The following C12orf75 variants were observed in gnomAD, a reference collection of about 807,000 sequenced individuals.
C12orf75 encodes the protein chromosome 12 open reading frame 75, also known as overexpressed in colon carcinoma 1 protein.
A neutral mutation model predicts 11.4 loss-of-function variants in C12orf75; 4 were observed. That is an observed-to-expected ratio of 0.35 (90% CI 0.17 to 0.80). The LOEUF is 0.80. Among genes scored for constraint, C12orf75 ranks in the 30% least tolerant of loss-of-function variants. C12orf75 has a pLI of 0.52. For synonymous variants in C12orf75, 30 were observed against 30.0 expected, an observed-to-expected ratio of 1.00 and a Z score of 0.00; for missense variants, 89 against 80.4, an observed-to-expected ratio of 1.11 and a Z score of -0.41.
intron 1 of C12orf75, among the ~76,000 whole-genome samples, chr12:105,346,556 T>G (rs1247608273): frequency 2.6e-5 from 4 of 152,218 alleles, no homozygotes; most frequent in Admixed American, 1.3e-4. Flanking sequence ...GGTTTAATAA[T>G]CTCTGATTCT....
chr12:105,330,993 G>A, intron 1 of C12orf75, 56 bp downstream of exon 1: 3 of 1,090,470 alleles, frequency 2.8e-6, no homozygotes, highest in Non-Finnish European at 3.5e-6. Context: ...GCGGCGGGAA[G>A]GAAGGGTGCA....
intron 2 of C12orf75, among the ~76,000 whole-genome samples, chr12:105,350,144 C>G (rs941566229): frequency 6.6e-6 from 1 of 152,154 alleles, no homozygotes; most frequent in Non-Finnish European, 1.5e-5. Context: ...CTCCTTCAGT[C>G]TCTCCCTTCA....
chr12:105,357,796 G>C (rs1293487684), intron 2 of C12orf75, among the ~76,000 whole-genome samples: 1 of 146,216 alleles, frequency 6.8e-6, no homozygotes, highest in Non-Finnish European at 1.5e-5. Context: ...GTGTGTGTGT[G>C]TGTGTGTGTG....
chr12:105,343,227 G>GT (rs1592878083), intron 1 of C12orf75, among the ~76,000 whole-genome samples: 1 of 151,584 alleles, frequency 6.6e-6, no homozygotes, highest in African/African-American at 2.4e-5. Flanking sequence ...TTTTTGGTGT[G>GT]TTTTTTTTCC....
intron 2 of C12orf75, among the ~76,000 whole-genome samples, chr12:105,353,844 A>C (rs757132871): frequency 6.6e-6 from 1 of 152,242 alleles, no homozygotes; most frequent in Non-Finnish European, 1.5e-5. Context: ...TGTAAAGTGA[A>C]TCTTACTGAG....
In C12orf75 at chr12:105,345,623, C is replaced by T. The variant is rs979634009; in HGVS notation, c.47-2979C>T. Reference sequence around the variant, plus strand: ...TCTGTAGATAAATTCTCTTCCTTTTCCAGGTCTTTTTCCTGATCTTGAATT... The same window carrying T: ...TCTGTAGATAAATTCTCTTCCTTTTTCAGGTCTTTTTCCTGATCTTGAATT... On this transcript the variant is annotated intron_variant, in intron 1 of 5. Coordinates refer to ENST00000443585, the MANE Select transcript of C12orf75 (RefSeq NM_001145199.2). 3.4e-5 allele frequency among the ~76,000 whole-genome samples: 5 copies of T among 145,836 alleles called. No homozygotes were observed. In the Admixed American group the frequency reaches 3.5e-4, roughly 10 times the overall value.
chr12:105,367,010 G>GA (rs964982297), intron 4 of C12orf75, among the ~76,000 whole-genome samples: 2 of 152,198 alleles, frequency 1.3e-5, no homozygotes, highest in African/African-American at 2.4e-5. Context: ...TCATAGAACA[G>GA]AAAGGTAAAT....
chr12:105,360,393 G>A (rs929753248), intron 2 of C12orf75, among the ~76,000 whole-genome samples: 4 of 152,228 alleles, frequency 2.6e-5, no homozygotes, highest in South Asian at 2.1e-4. Flanking sequence ...GGCTGTGGAT[G>A]TTCTGGCCTG....
intron 1 of C12orf75, among the ~76,000 whole-genome samples, chr12:105,342,363 C>T (rs767229558): frequency 4.6e-5 from 7 of 152,152 alleles, no homozygotes; most frequent in South Asian, 2.1e-4. Flanking sequence ...CCCCTTCTTG[C>T]GCTCTTGCTG....
intron 2 of C12orf75, among the ~76,000 whole-genome samples, chr12:105,351,489 G>A (rs1287540151): frequency 6.6e-6 from 1 of 152,156 alleles, no homozygotes; most frequent in Non-Finnish European, 1.5e-5. Context: ...TAGGTGAGAA[G>A]TCAGTATATA....
rs570927886 is a variant in C12orf75 at position 105,347,759 on chromosome 12, C to T, written c.47-843C>T. 5.3e-5 allele frequency among the ~76,000 whole-genome samples: 8 copies of T among 152,284 alleles called. No homozygotes were observed. The East Asian group carries it at 1.3e-3, about 26-fold the overall frequency. On this transcript the variant is annotated intron_variant, in intron 1 of 5. Transcript: ENST00000443585. ...ATTCTTCAGTTCAATCAAGTAGACG[C>T]TCAGTATTAACCATCACAGATGGGA...
At chr12:105,349,524 T>C (rs1212684783) in intron 2 of C12orf75, among the ~76,000 whole-genome samples, 1 of 152,186 alleles carries the variant, frequency 6.6e-6, no homozygotes, top group African/African-American at 2.4e-5. Context: ...TCTTATTGGC[T>C]TACACAGATG....
intron 1 of C12orf75, among the ~76,000 whole-genome samples, chr12:105,332,746 AAAAAG>A (rs1235845103): frequency 3.4e-5 from 5 of 145,676 alleles, no homozygotes; most frequent in South Asian, 4.3e-4. Context: ...AAAAAAAAAA[AAAAAG>A]AAAAGAAAAG....
intron 2 of C12orf75, among the ~76,000 whole-genome samples, chr12:105,357,811 A>T (rs200767902): frequency 0.34 from 39,390 of 117,284 alleles, 5,394 homozygotes; most frequent in Non-Finnish European, 0.38. Flanking sequence ...TGTGTGTGAG[A>T]GAGAGAGAGA....
intron 5 of C12orf75, among the ~76,000 whole-genome samples, chr12:105,369,236 T>A (rs998965224): frequency 5.9e-5 from 9 of 151,552 alleles, no homozygotes; most frequent in Non-Finnish European, 1.3e-4. Flanking sequence ...CTCACCCTTG[T>A]GGGTGGATCT....
intron 2 of C12orf75, among the ~76,000 whole-genome samples, chr12:105,355,363 T>C (rs1363517907): frequency 2.0e-5 from 3 of 151,922 alleles, no homozygotes; most frequent in African/African-American, 7.3e-5. Flanking sequence ...AGAGTTGGGA[T>C]TTTGCCATAT....
chr12:105,347,177 G>A (rs1389515402), intron 1 of C12orf75, among the ~76,000 whole-genome samples: 1 of 152,250 alleles, frequency 6.6e-6, no homozygotes. Context: ...GAGAATCTGC[G>A]AGAAGTAATG....
Position 105,330,786 on chromosome 12 carries a change from G to A in C12orf75, c.-106G>A. On this transcript the variant is annotated 5_prime_UTR_variant, in exon 1 of 6. Coordinates refer to ENST00000443585, the MANE Select transcript of C12orf75 (RefSeq NM_001145199.2). ...CCCACTCGGTTCCTGGCCCCTCGCG[G>A]CCCCGTCAGCCTCCCGCTCGGGGTG... is the stretch of plus-strand genomic sequence containing the variant. 8.8e-7 allele frequency: 1 copy of A among 1,138,714 alleles called. No individual in the cohort carries two copies. The highest frequency in any genetic ancestry group is 1.1e-6 in the Non-Finnish European group (1 of 912,320). 70.5% of individuals were successfully genotyped at this position (1,138,714 alleles called of 1,614,324 possible).
intron 2 of C12orf75, among the ~76,000 whole-genome samples, chr12:105,364,324 T>G (rs1259782901): frequency 2.0e-5 from 3 of 152,192 alleles, no homozygotes; most frequent in African/African-American, 7.2e-5. Context: ...ACACTTGAAC[T>G]AAAAAAACAA....
Sources: gnomAD v4.1 joint callset for allele counts (sites outside exome capture counted in the v4.1 genomes callset) on GRCh38, gnomAD v4.1.1 for gene constraint, MANE v1.5 for transcripts, NCBI Gene and HGNC (gene_info 2026-07-23, HGNC 2026-07-21) for gene names.